Variants in NELL2 observed in about 807,000 individuals in gnomAD.
The protein encoded by NELL2 is protein kinase C-binding protein NELL2.
NELL2 carries 41 observed loss-of-function variants against 109.6 expected under a neutral mutation model. The observed-to-expected ratio is 0.37, with a 90% CI of 0.29 to 0.49. The LOEUF (loss-of-function observed/expected upper bound fraction) is 0.49, where lower values mean the gene tolerates loss of function less well. NELL2 is among the 20% of genes least tolerant of loss of function. The pLI is 0.98. For synonymous variants in NELL2, 355 were observed against 344.7 expected, an observed-to-expected ratio of 1.03 and a Z score of -0.33; for missense variants, 900 against 1,008.3, an observed-to-expected ratio of 0.89 and a Z score of 1.45.
At chr12:44,598,179 A>C (rs1945045615) in intron 15 of NELL2, among the ~76,000 whole-genome samples, 3 of 151,504 alleles carry the variant, frequency 2.0e-5, no homozygotes, top group South Asian at 2.1e-4. Flanking sequence ...AAAAAAAAAA[A>C]AAAACAGTAA....
chr12:44,684,442 T>C (rs1948643148), intron 12 of NELL2, among the ~76,000 whole-genome samples: 1 of 152,192 alleles, frequency 6.6e-6, no homozygotes, highest in Admixed American at 6.5e-5. Context: ...ATTTTAGTTA[T>C]TTCTTGCCTT....
At chr12:44,661,652 A>G (rs910226816) in intron 13 of NELL2, among the ~76,000 whole-genome samples, 2 of 152,182 alleles carry the variant, frequency 1.3e-5, no homozygotes, top group Non-Finnish European at 2.9e-5. Flanking sequence ...AGTAAAACTC[A>G]AGAAGATCTA....
intron 9 of NELL2, among the ~76,000 whole-genome samples, chr12:44,741,229 C>T (rs1555208553): frequency 6.6e-6 from 1 of 152,104 alleles, no homozygotes; most frequent in Non-Finnish European, 1.5e-5. Flanking sequence ...TTCTTAATAA[C>T]ATTTTCTTTT....
At chr12:44,893,619 C>G (rs998373558) in intron 1 of NELL2, among the ~76,000 whole-genome samples, 4 of 152,148 alleles carry the variant, frequency 2.6e-5, no homozygotes, top group African/African-American at 9.6e-5. Flanking sequence ...AACTGCCGAG[C>G]AGGCACCTGT....
At chr12:44,644,649 T>TAC (rs1555190961) in intron 13 of NELL2, among the ~76,000 whole-genome samples, 6,244 of 129,170 alleles carry the variant, frequency 0.048, 278 homozygotes, top group Non-Finnish European at 0.072. Flanking sequence ...TATATATATA[T>TAC]ACACACACAC....
intron 15 of NELL2, among the ~76,000 whole-genome samples, chr12:44,566,530 TACTCACAC>T (rs1016090088): frequency 1.7e-5 from 1 of 58,440 alleles, no homozygotes; most frequent in Non-Finnish European, 3.1e-5. Context: ...ATATTACACA[TACTCACAC>T]ACACACACAC....
chr12:44,514,889 T>A (rs1455160111), intron 19 of NELL2, among the ~76,000 whole-genome samples: 1 of 151,136 alleles, frequency 6.6e-6, no homozygotes, highest in African/African-American at 2.4e-5. Flanking sequence ...TGCAAAGTTC[T>A]TATATTTTAT....
intron 10 of NELL2, among the ~76,000 whole-genome samples, chr12:44,713,962 C>A (rs1027561297): frequency 6.6e-6 from 1 of 151,684 alleles, no homozygotes; most frequent in Non-Finnish European, 1.5e-5. Context: ...AACCCTAAAG[C>A]AGAAATTTTA....
chr12:44,874,830 C>T (rs1289882782), intron 2 of NELL2, among the ~76,000 whole-genome samples: 1 of 152,164 alleles, frequency 6.6e-6, no homozygotes, highest in African/African-American at 2.4e-5. Flanking sequence ...AGGGCACCAT[C>T]GTACCTGAAA....
chr12:44,692,259 T>C (rs1235279330), intron 12 of NELL2, among the ~76,000 whole-genome samples: 1 of 152,196 alleles, frequency 6.6e-6, no homozygotes, highest in Non-Finnish European at 1.5e-5. Context: ...GCCTATGCTC[T>C]ATAAATGGAA....
At chr12:44,859,603 C>T (rs1254201748) in intron 2 of NELL2, among the ~76,000 whole-genome samples, 1 of 152,132 alleles carries the variant, frequency 6.6e-6, no homozygotes, top group Admixed American at 6.6e-5. Flanking sequence ...TCTAATGCCT[C>T]AGTTATCAGT....
chr12:44,744,253 G>A (rs1462932375), intron 9 of NELL2, among the ~76,000 whole-genome samples: 1 of 151,864 alleles, frequency 6.6e-6, no homozygotes, highest in Non-Finnish European at 1.5e-5. Context: ...TGAAACCAAC[G>A]AGAACAAAGA....
intron 15 of NELL2, among the ~76,000 whole-genome samples, chr12:44,542,044 C>T (rs1253195879): frequency 6.6e-6 from 1 of 152,122 alleles, no homozygotes; most frequent in Non-Finnish European, 1.5e-5. Flanking sequence ...TGTCAAATTT[C>T]ACAACAACAA....
At chr12:44,534,269 T>A (rs536365019) in intron 15 of NELL2, among the ~76,000 whole-genome samples, 1 of 152,264 alleles carries the variant, frequency 6.6e-6, no homozygotes, top group East Asian at 1.9e-4. Flanking sequence ...AGGTCAAGTG[T>A]CCCTTCAGCA....
At chr12:44,806,984 G>A (rs1943022286) in intron 3 of NELL2, among the ~76,000 whole-genome samples, 1 of 151,510 alleles carries the variant, frequency 6.6e-6, no homozygotes. Context: ...ACTAAAATAA[G>A]TTATAGATGG....
At chr12:44,535,860 G>C (rs1453265330) in intron 15 of NELL2, among the ~76,000 whole-genome samples, 1 of 151,874 alleles carries the variant, frequency 6.6e-6, no homozygotes, top group Non-Finnish European at 1.5e-5. Context: ...ATCTTTCAAA[G>C]GGAGTTGCTG....
intron 12 of NELL2, among the ~76,000 whole-genome samples, chr12:44,693,233 TG>T (rs1948952794): frequency 6.6e-6 from 1 of 152,196 alleles, no homozygotes; most frequent in Non-Finnish European, 1.5e-5. Flanking sequence ...TATGACTCTC[TG>T]AAGGCTCGGA....
intron 19 of NELL2, among the ~76,000 whole-genome samples, chr12:44,515,742 C>T (rs528990695): frequency 2.0e-4 from 30 of 151,854 alleles, no homozygotes; most frequent in Non-Finnish European, 3.5e-4. Context: ...TATAGTGACA[C>T]AGTAAAATAA....
chr12:44,569,896 C>T (rs1361867287), intron 15 of NELL2, among the ~76,000 whole-genome samples: 1 of 151,940 alleles, frequency 6.6e-6, no homozygotes, highest in Non-Finnish European at 1.5e-5. Context: ...AATTTCCAGC[C>T]AGGGATTTAA....
Sources: gnomAD v4.1 joint callset for allele counts (sites outside exome capture counted in the v4.1 genomes callset) on GRCh38, gnomAD v4.1.1 for gene constraint, MANE v1.5 for transcripts, NCBI Gene and HGNC (gene_info 2026-07-23, HGNC 2026-07-21) for gene names.